Variants in DCHS2 observed in about 807,000 individuals in gnomAD.
DCHS2 encodes protocadherin-23.
A neutral mutation model predicts 182.4 loss-of-function variants in DCHS2; 142 were observed. The observed-to-expected ratio is 0.78, with a 90% CI of 0.68 to 0.89. DCHS2 has a LOEUF of 0.89. DCHS2 is among the 40% of genes least tolerant of loss of function. The probability of loss-of-function intolerance (pLI) is 0.00; values close to 1 mark genes in which losing one functional copy is unlikely to be tolerated. For missense variants in DCHS2, 4,319 were observed against 4,198.6 expected, an observed-to-expected ratio of 1.03 and a Z score of -0.79; for synonymous variants, 1,740 against 1,663.3, an observed-to-expected ratio of 1.05 and a Z score of -1.12.
At chr4:154,246,772 A>C (rs1386359513) in intron 16 of DCHS2, among the ~76,000 whole-genome samples, 1 of 152,096 alleles carries the variant, frequency 6.6e-6, no homozygotes, top group Non-Finnish European at 1.5e-5. Flanking sequence ...TTTTAATTAG[A>C]AAATAAAAAA....
At chr4:154,434,429 A>G (rs1733690552) in intron 1 of DCHS2, among the ~76,000 whole-genome samples, 1 of 152,216 alleles carries the variant, frequency 6.6e-6, no homozygotes, top group Non-Finnish European at 1.5e-5. Flanking sequence ...CTCAGAAAAA[A>G]AATAAGTCAC....
chr4:154,234,693 A>G lies in DCHS2; in HGVS notation c.9959T>C (p.Leu3320Pro), dbSNP rs553907289. 4 of 1,614,068 alleles carry G rather than the reference A, an allele frequency of 2.5e-6. No individual in the cohort carries two copies. The South Asian group carries it at 3.3e-5, about 13-fold the overall frequency. Residue 3320 changes from leucine to proline, a missense_variant, in exon 20 of 20, where the codon CTG becomes CCG. Coordinates refer to ENST00000357232, the MANE Select transcript of DCHS2 (RefSeq NM_001358235.2). ...RSPIPYHLGS[L>P]PEGMTPNFSP... ...AAAATTGGGAGTCATGCCTTCTGGCAGAGAACCAAGATGGTAGGGGATGGG... is the reference window on the plus strand; with the variant it reads ...AAAATTGGGAGTCATGCCTTCTGGCGGAGAACCAAGATGGTAGGGGATGGG...
intron 1 of DCHS2, among the ~76,000 whole-genome samples, chr4:154,464,501 A>G (rs950988932): frequency 6.6e-6 from 1 of 152,218 alleles, no homozygotes; most frequent in Non-Finnish European, 1.5e-5. Context: ...TATGGAATAT[A>G]TTAATATAGA....
At chr4:154,331,794 T>A (rs1039600301) in intron 5 of DCHS2, 8 of 1,458,934 alleles carry the variant, frequency 5.5e-6, no homozygotes, top group Non-Finnish European at 6.4e-6. Flanking sequence ...GAGTTTCAGT[T>A]TTCCCGGGTA....
intron 9 of DCHS2, among the ~76,000 whole-genome samples, chr4:154,320,137 C>G (rs1309338442): frequency 6.6e-6 from 1 of 152,098 alleles, no homozygotes; most frequent in Non-Finnish European, 1.5e-5. Context: ...CTAAAATAGT[C>G]TAATTCATGG....
chr4:154,396,964 A>G (rs1363182414), intron 1 of DCHS2, among the ~76,000 whole-genome samples: 1 of 152,172 alleles, frequency 6.6e-6, no homozygotes, highest in Non-Finnish European at 1.5e-5. Context: ...AACTTCTTCA[A>G]ACAGAATCTG....
At chr4:154,425,751 T>G (rs1275808687) in intron 1 of DCHS2, among the ~76,000 whole-genome samples, 1 of 152,212 alleles carries the variant, frequency 6.6e-6, no homozygotes, top group Non-Finnish European at 1.5e-5. Context: ...ACAGAGCTTT[T>G]TAAAAGTAAT....
At chr4:154,273,053 C>T (rs546452126) in intron 13 of DCHS2, among the ~76,000 whole-genome samples, 4 of 152,084 alleles carry the variant, frequency 2.6e-5, no homozygotes, top group South Asian at 2.1e-4. Context: ...CCTTAAAGAA[C>T]TAAAAGTAGA....
intron 1 of DCHS2, among the ~76,000 whole-genome samples, chr4:154,399,614 A>G (rs1192339358): frequency 6.6e-6 from 1 of 152,218 alleles, no homozygotes; most frequent in Non-Finnish European, 1.5e-5. Flanking sequence ...GCAAGTGAAC[A>G]TCATCTTGTT....
intron 1 of DCHS2, among the ~76,000 whole-genome samples, chr4:154,481,449 G>A (rs1735916666): frequency 6.6e-6 from 1 of 151,830 alleles, no homozygotes; most frequent in African/African-American, 2.4e-5. Flanking sequence ...TTTTGTAGAG[G>A]TTTTGCTCTG....
Position 154,236,001 on chromosome 4 carries a change from T to C in DCHS2, c.8651A>G (p.Gln2884Arg), listed in dbSNP as rs1235483355. The change falls in exon 20 of 20, where the codon CAG (glutamine) becomes CGG (arginine). Residue 2884 changes from glutamine (Q) to arginine (R), a missense_variant. By Grantham distance (43) the Gln-to-Arg change is conservative. Transcript: ENST00000357232. The stretch of plus-strand genomic sequence containing the variant: ...CTTTTCTGGGAGGGTGAAAAAATAC[T>C]GATCTTGAGTGAAAATGGGCTCAAA... The part of the protein sequence containing the change: ...DEFEPIFTQD[Q>R]YFFTLPEKNK... 1.9e-6 allele frequency: 3 copies of C among 1,613,888 alleles called. No homozygotes were observed. Among genetic ancestry groups the C allele is most frequent in the Non-Finnish European group, 2.5e-6 (3 of 1,179,954 alleles).
At chr4:154,338,224 CATT>C (rs1728904792) in intron 3 of DCHS2, among the ~76,000 whole-genome samples, 1 of 152,024 alleles carries the variant, frequency 6.6e-6, no homozygotes, top group Non-Finnish European at 1.5e-5. Context: ...TTCATTTACT[CATT>C]AGTTTACTGA....
intron 9 of DCHS2, among the ~76,000 whole-genome samples, chr4:154,318,782 A>T (rs1197188613): frequency 6.6e-6 from 1 of 152,142 alleles, no homozygotes; most frequent in Non-Finnish European, 1.5e-5. Context: ...ACCCAAACTG[A>T]TCTACAGATT....
At chr4:154,460,726 C>T (rs1325508079) in intron 1 of DCHS2, among the ~76,000 whole-genome samples, 1 of 151,956 alleles carries the variant, frequency 6.6e-6, no homozygotes, top group Non-Finnish European at 1.5e-5. Context: ...AATGGTATTG[C>T]CTAGCATATA....
intron 1 of DCHS2, among the ~76,000 whole-genome samples, chr4:154,445,873 ACATC>A (rs1347885970): frequency 6.6e-5 from 10 of 152,046 alleles, no homozygotes; most frequent in African/African-American, 2.4e-4. Flanking sequence ...CGAGCCACCA[ACATC>A]CCTCGAGTAG....
At chr4:154,238,755 C>G (rs1383822600) in intron 19 of DCHS2, among the ~76,000 whole-genome samples, 1 of 151,938 alleles carries the variant, frequency 6.6e-6, no homozygotes, top group Non-Finnish European at 1.5e-5. Context: ...TTTTTTTTAA[C>G]TTGGCTTGGG....
chr4:154,358,532 G>A (rs1376803350), intron 3 of DCHS2, among the ~76,000 whole-genome samples: 1 of 152,118 alleles, frequency 6.6e-6, no homozygotes, highest in Non-Finnish European at 1.5e-5. Flanking sequence ...GATCCAAAAG[G>A]TGGCTTATAA....
intron 2 of DCHS2, among the ~76,000 whole-genome samples, chr4:154,372,283 G>T (rs1730680605): frequency 6.6e-6 from 1 of 152,142 alleles, no homozygotes; most frequent in Non-Finnish European, 1.5e-5. Flanking sequence ...TTGAACATTT[G>T]TTAGAAAGTT....
intron 12 of DCHS2, among the ~76,000 whole-genome samples, chr4:154,301,001 G>A (rs528923527): frequency 1.3e-5 from 2 of 152,150 alleles, no homozygotes; most frequent in Non-Finnish European, 2.9e-5. Context: ...GTAATCTCCA[G>A]AAGTTCAATT....
Sources: gnomAD v4.1 joint callset for allele counts (sites outside exome capture counted in the v4.1 genomes callset) on GRCh38, gnomAD v4.1.1 for gene constraint, MANE v1.5 for transcripts, NCBI Gene and HGNC (gene_info 2026-07-23, HGNC 2026-07-21) for gene names.